Variants in CFAP47 observed in about 807,000 individuals in gnomAD.
CFAP47 encodes cilia and flagella associated protein 47.
A neutral mutation model predicts 148.1 loss-of-function variants in CFAP47; 29 were observed. The observed-to-expected ratio is 0.20, with a 90% CI of 0.15 to 0.27. The LOEUF (loss-of-function observed/expected upper bound fraction) is 0.27. Among genes scored for constraint, CFAP47 ranks in the 10% least tolerant of loss-of-function variants. The pLI, the probability that CFAP47 is intolerant of heterozygous loss-of-function variation, is 1.00. For missense variants in CFAP47, 1,872 were observed against 1,697.5 expected, an observed-to-expected ratio of 1.10 and a Z score of -1.81; for synonymous variants, 664 against 577.3, an observed-to-expected ratio of 1.15 and a Z score of -2.15.
At chrX:36,214,601 A>G (rs2146891442) in intron 45 of CFAP47, among the ~76,000 whole-genome samples, 2 of 111,551 alleles carry the variant, frequency 1.8e-5, no homozygotes, top group South Asian at 7.3e-4. Flanking sequence ...TCCTTATTCT[A>G]TAAATTTTTT....
At chrX:36,342,272 G>A (rs782440715) in intron 57 of CFAP47, among the ~76,000 whole-genome samples, 156 of 111,729 alleles carry the variant, frequency 1.4e-3, no homozygotes, top group African/African-American at 4.9e-3. Flanking sequence ...TAAATGGTAT[G>A]TTTTTGTTCT....
At chrX:35,940,449 C>G (rs1421877048) in intron 2 of CFAP47, among the ~76,000 whole-genome samples, 2 of 111,279 alleles carry the variant, frequency 1.8e-5, no homozygotes, top group East Asian at 5.7e-4. Context: ...TAACTATTGT[C>G]CTTAGATAGG....
At chrX:36,150,746 A>G (rs1401109726) in intron 37 of CFAP47, among the ~76,000 whole-genome samples, 1 of 111,618 alleles carries the variant, frequency 9.0e-6, no homozygotes, top group Non-Finnish European at 1.9e-5. Context: ...AAAGGGGCAT[A>G]TAAAAGATCT....
At chrX:36,321,258 A>T (rs184340388) in intron 57 of CFAP47, among the ~76,000 whole-genome samples, 70 of 111,782 alleles carry the variant, frequency 6.3e-4, no homozygotes, top group Non-Finnish European at 1.3e-3. Context: ...GTAGGTCATT[A>T]TGTTAAGTGA....
chrX:36,083,865 A>G (rs907467966), intron 29 of CFAP47, among the ~76,000 whole-genome samples: 8 of 111,329 alleles, frequency 7.2e-5, no homozygotes, highest in African/African-American at 2.6e-4. Flanking sequence ...ATAATGTTTA[A>G]TACTATTATT....
At chrX:36,354,537 T>A (rs1246850856) in intron 60 of CFAP47, among the ~76,000 whole-genome samples, 4 of 109,440 alleles carry the variant, frequency 3.7e-5, no homozygotes, top group Admixed American at 9.8e-5. Context: ...CAAAATAATT[T>A]AAAATAGGTT....
chrX:36,125,500 T>G (rs769756269), intron 33 of CFAP47, among the ~76,000 whole-genome samples: 1 of 112,061 alleles, frequency 8.9e-6, no homozygotes, highest in East Asian at 2.8e-4. Flanking sequence ...ATCAAAAGAA[T>G]TATAAATATT....
Position 35,919,758 on chromosome X carries a change from G to A in CFAP47, c.-42G>A, listed in dbSNP as rs1236955152. On this transcript the variant is annotated 5_prime_UTR_variant, in exon 1 of 64. Transcript: ENST00000378653. ...CGGTCGTCGACGCTAATCCTTGGCCGGACGGATCCACATCTGTTTTCTGGC... is the reference window on the plus strand; with the variant it reads ...CGGTCGTCGACGCTAATCCTTGGCCAGACGGATCCACATCTGTTTTCTGGC... 1.0e-5 allele frequency: 12 copies of A among 1,167,162 alleles called. No individual in the cohort carries two copies. Among genetic ancestry groups the A allele is most frequent in the Admixed American group, 2.4e-5 (1 of 41,962 alleles).
intron 37 of CFAP47, among the ~76,000 whole-genome samples, chrX:36,156,015 A>C (rs1294719446): frequency 9.0e-6 from 1 of 111,433 alleles, no homozygotes; most frequent in Non-Finnish European, 1.9e-5. Context: ...AAACCAAGGA[A>C]GGGTTCCCAG....
rs139755380 is a variant in CFAP47, at chrX:36,215,078, A to G, written c.6817+9968A>G. On this transcript the variant is annotated intron_variant, in intron 45 of 63. Transcript: ENST00000378653. ...CAGTAGGTTTGTTTACACCAGCATC[A>G]CCACATAATATGCACTGCAGCAGGA... Among the ~76,000 whole-genome samples, 940 of 111,070 alleles carry G rather than the reference A, an allele frequency of 8.5e-3. 12 individuals carry two copies. The highest frequency in any genetic ancestry group is 0.029 in the African/African-American group (896 of 30,525).
intron 33 of CFAP47, among the ~76,000 whole-genome samples, chrX:36,133,169 C>T (rs1408261222): frequency 1.8e-5 from 2 of 111,253 alleles, no homozygotes; most frequent in Non-Finnish European, 3.8e-5. Context: ...CAGTTATAGA[C>T]TCTGCATCTT....
intron 57 of CFAP47, among the ~76,000 whole-genome samples, chrX:36,324,673 G>T (rs1372898690): frequency 9.0e-6 from 1 of 111,221 alleles, no homozygotes; most frequent in African/African-American, 3.3e-5. Flanking sequence ...ATATGTTATT[G>T]GGATTATTAT....
chrX:36,271,735 G>A (rs1556001877), intron 49 of CFAP47, among the ~76,000 whole-genome samples: 1 of 111,708 alleles, frequency 9.0e-6, no homozygotes, highest in East Asian at 2.8e-4. Flanking sequence ...GAGACCCAAT[G>A]AAAGCAATAT....
Position 35,970,753 on chromosome X carries a change from T to G in CFAP47, c.1815-15T>G, listed in dbSNP as rs761554871. ...GCATATATAAAAATATTAACATGAC[T>G]TGCTTATATTGCAGGCCAATTTTCA... is the stretch of plus-strand genomic sequence containing the variant. On this transcript the variant is annotated splice_polypyrimidine_tract_variant and intron_variant, in intron 10 of 63. Transcript: ENST00000378653. The G allele has an allele frequency of 8.8e-7, 1 of 1,140,853 alleles. No individual in the cohort carries two copies. The highest frequency in any genetic ancestry group is 2.8e-5 in the Admixed American group (1 of 35,714). The allele number at this position is 1,140,853 out of a possible 1,213,427, so 94.0% of individuals were successfully genotyped here. A position where few individuals can be genotyped will look rare whatever the true frequency, so the allele number is the denominator to read the frequency against.
Position 36,218,216 on chromosome X carries a change from C to T in CFAP47, c.6818-10412C>T, listed in dbSNP as rs781940807. On this transcript the variant is annotated intron_variant, in intron 45 of 63. Coordinates refer to ENST00000378653, the MANE Select transcript of CFAP47 (RefSeq NM_001304548.2). ...AAATGCAAAATACAAAGTTAATTTG[C>T]TGTCAGCAATCCCTTGCTTCTTTCC... Among the ~76,000 whole-genome samples the T allele has an allele frequency of 2.7e-5, 3 of 112,553 alleles. No individual in the cohort carries two copies. In the South Asian group the frequency reaches 1.1e-3, roughly 41 times the overall value.
chrX:36,201,676 TAATG>T (rs1183825979), intron 44 of CFAP47, among the ~76,000 whole-genome samples, 176 bp downstream of exon 44: 21 of 111,924 alleles, frequency 1.9e-4, no homozygotes, highest in African/African-American at 6.8e-4. Context: ...CCTCGTTAAA[TAATG>T]AATCTGAAAC....
intron 57 of CFAP47, among the ~76,000 whole-genome samples, chrX:36,335,057 A>G (rs1941593497): frequency 9.0e-6 from 1 of 110,943 alleles, no homozygotes; most frequent in African/African-American, 3.3e-5. Context: ...ACATTTTAAA[A>G]TTTGGGCTTA....
intron 21 of CFAP47, among the ~76,000 whole-genome samples, chrX:36,010,421 C>T (rs1236387178): frequency 2.8e-5 from 3 of 108,471 alleles, no homozygotes; most frequent in Non-Finnish European, 5.7e-5. Flanking sequence ...ATTCATGTCT[C>T]CTCTCATTTG....
rs1176026956 is a variant in CFAP47 at position 36,283,049 on chromosome X, G to T, written c.7588+2419G>T. ...TATGAATGTATCAATTATGTATATT[G>T]TATACACCCCAGTATATTTATGTGT... On this transcript the variant is annotated intron_variant, in intron 50 of 63. Coordinates refer to ENST00000378653, the MANE Select transcript of CFAP47 (RefSeq NM_001304548.2). Among the ~76,000 whole-genome samples, 3 of 110,562 alleles carry T rather than the reference G, an allele frequency of 2.7e-5. No individual in the cohort carries two copies. The East Asian group carries it at 8.5e-4, about 31-fold the overall frequency.
Sources: gnomAD v4.1 joint callset for allele counts (sites outside exome capture counted in the v4.1 genomes callset) on GRCh38, gnomAD v4.1.1 for gene constraint, MANE v1.5 for transcripts, NCBI Gene and HGNC (gene_info 2026-07-23, HGNC 2026-07-21) for gene names.